Variants in HDAC9 observed in about 807,000 individuals in gnomAD.
HDAC9 encodes the protein histone deacetylase 9.
In HDAC9, 41 loss-of-function variants were observed where a neutral mutation model predicts 139.4. The observed-to-expected ratio is 0.29, with a 90% CI of 0.23 to 0.38. The LOEUF is 0.38. Ranked by LOEUF, HDAC9 falls within the 10% of genes least tolerant of loss-of-function variation. The probability of loss-of-function intolerance (pLI) is 1.00; values close to 1 mark genes in which losing one functional copy is unlikely to be tolerated. For synonymous variants in HDAC9, 517 were observed against 476.2 expected (o/e 1.09, Z -1.12); for missense variants, 1,147 against 1,297.0 (o/e 0.88, Z 1.78).
intron 1 of HDAC9, among the ~76,000 whole-genome samples, chr7:18,430,964 A>G (rs1014667609): frequency 3.3e-5 from 5 of 152,060 alleles, no homozygotes; most frequent in African/African-American, 1.2e-4. Context: ...TCTGTTCCAG[A>G]CTAATCTCAT....
At chr7:18,586,705 G>A (rs1829567749) in intron 3 of HDAC9, among the ~76,000 whole-genome samples, 1 of 152,020 alleles carries the variant, frequency 6.6e-6, no homozygotes, top group East Asian at 1.9e-4. Flanking sequence ...TTTGACAAGT[G>A]ATATAAAATA....
chr7:18,509,540 T>C (rs1294532447), intron 2 of HDAC9: 1 of 728,018 alleles, frequency 1.4e-6, no homozygotes, highest in East Asian at 1.3e-4. Flanking sequence ...ATGAGGCTGC[T>C]TGTTTATCTG....
chr7:18,641,656 A>G (rs759680197), intron 8 of HDAC9, among the ~76,000 whole-genome samples: 73 of 152,152 alleles, frequency 4.8e-4, no homozygotes, highest in Non-Finnish European at 8.4e-4. Flanking sequence ...TATTGGCATC[A>G]TAGCAAAGCA....
intron 16 of HDAC9, among the ~76,000 whole-genome samples, chr7:18,786,449 C>T (rs1050991438): frequency 6.3e-5 from 7 of 111,368 alleles, no homozygotes; most frequent in African/African-American, 2.2e-4. Flanking sequence ...TTTTTCCCAT[C>T]GCCCTTTCCT....
At chr7:18,131,274 TG>T (rs1221729020) in intron 1 of HDAC9, among the ~76,000 whole-genome samples, 2 of 152,110 alleles carry the variant, frequency 1.3e-5, no homozygotes, top group Non-Finnish European at 2.9e-5. Context: ...AATAGAACAT[TG>T]ATGATTCAGT....
At chr7:18,287,188 A>C (rs936556643), upstream of HDAC9, among the ~76,000 whole-genome samples, 1 of 152,180 alleles carries the variant, frequency 6.6e-6, no homozygotes, top group Non-Finnish European at 1.5e-5. Context: ...TAAAATGGAA[A>C]TATATTTTCT....
intron 2 of HDAC9, among the ~76,000 whole-genome samples, chr7:18,537,119 T>G (rs1457491467): frequency 6.6e-6 from 1 of 152,194 alleles, no homozygotes; most frequent in Non-Finnish European, 1.5e-5. Flanking sequence ...GCAAACATTT[T>G]AAGTGTATCC....
At chr7:18,100,834 G>A (rs894121841) in intron 1 of HDAC9, among the ~76,000 whole-genome samples, 10 of 152,218 alleles carry the variant, frequency 6.6e-5, no homozygotes, top group African/African-American at 2.4e-4. Context: ...TAGGGTGCTG[G>A]ATATTTTTAT....
At chr7:18,978,398 G>A (rs746563295) in intron 25 of HDAC9, among the ~76,000 whole-genome samples, 1 of 152,084 alleles carries the variant, frequency 6.6e-6, no homozygotes, top group Non-Finnish European at 1.5e-5. Flanking sequence ...CTTGGATGGG[G>A]GAGGGGATGA....
chr7:18,369,023 T>G (rs1784395983), intron 1 of HDAC9, among the ~76,000 whole-genome samples: 1 of 152,120 alleles, frequency 6.6e-6, no homozygotes, highest in Admixed American at 6.6e-5. Flanking sequence ...CCTGGCCAAG[T>G]GCTTTCACAT....
At chr7:18,944,804 A>G (rs1468381487) in intron 23 of HDAC9, among the ~76,000 whole-genome samples, 1 of 152,178 alleles carries the variant, frequency 6.6e-6, no homozygotes, top group African/African-American at 2.4e-5. Context: ...ATCATACAAT[A>G]TATAATTCTT....
At chr7:18,924,317 T>G (rs551906642) in intron 22 of HDAC9, among the ~76,000 whole-genome samples, 2 of 152,222 alleles carry the variant, frequency 1.3e-5, no homozygotes, top group African/African-American at 4.8e-5. Context: ...ATTCTTAATC[T>G]TTAACAAACA....
intron 1 of HDAC9, among the ~76,000 whole-genome samples, chr7:18,119,627 C>T (rs1246441260): frequency 6.6e-6 from 1 of 152,194 alleles, no homozygotes; most frequent in East Asian, 1.9e-4. Flanking sequence ...TGGGAAAACA[C>T]ACTTGGATAG....
chr7:18,932,973 ACAACCAGTCTTGC>A (rs1446281094), intron 22 of HDAC9, among the ~76,000 whole-genome samples: 8 of 152,312 alleles, frequency 5.3e-5, no homozygotes, highest in African/African-American at 1.9e-4. Flanking sequence ...AGCAAACTCC[ACAACCAGTCTTGC>A]CATATAAGAA....
chr7:18,627,073 A>G (rs1841912639), intron 6 of HDAC9, among the ~76,000 whole-genome samples: 1 of 152,218 alleles, frequency 6.6e-6, no homozygotes, highest in Admixed American at 6.5e-5. Context: ...AGTTATTCTC[A>G]GGTATCTAAT....
At chr7:18,929,997 A>T (rs1225290623) in intron 22 of HDAC9, among the ~76,000 whole-genome samples, 4 of 152,140 alleles carry the variant, frequency 2.6e-5, no homozygotes, top group Non-Finnish European at 4.4e-5. Flanking sequence ...CCTATAAAGT[A>T]TACAGATTCT....
chr7:18,187,640 A>G (rs948266071), intron 2 of HDAC9, among the ~76,000 whole-genome samples: 1 of 152,154 alleles, frequency 6.6e-6, no homozygotes, highest in Non-Finnish European at 1.5e-5. Flanking sequence ...CCTTGCTGCT[A>G]CTATTCTACT....
At chr7:18,790,031 C>T (rs1247989039) in intron 16 of HDAC9, among the ~76,000 whole-genome samples, 1 of 152,094 alleles carries the variant, frequency 6.6e-6, no homozygotes, top group African/African-American at 2.4e-5. Flanking sequence ...GGATGTTCTT[C>T]TAGTGACACA....
In HDAC9 at chr7:18,674,470, G is replaced by C. The variant is rs138794927; in HGVS notation, c.1731+7994G>C. 6.6e-5 allele frequency among the ~76,000 whole-genome samples: 10 copies of C among 152,080 alleles called. No homozygotes were observed. In the East Asian group the frequency reaches 1.9e-3, roughly 30 times the overall value. ...CTAGCCCTTCTGAACTCCCCAACTT[G>C]AAATCAGTTCCATAGTTTCCCATGT... On this transcript the variant is annotated intron_variant, in intron 12 of 25. Transcript: ENST00000686413.
Sources: gnomAD v4.1 joint callset for allele counts (sites outside exome capture counted in the v4.1 genomes callset) on GRCh38, gnomAD v4.1.1 for gene constraint, MANE v1.5 for transcripts, NCBI Gene and HGNC (gene_info 2026-07-23, HGNC 2026-07-21) for gene names.